Variants in CFAP61 observed in about 807,000 individuals in gnomAD.
CFAP61 encodes the protein cilia and flagella associated protein 61, also known as cilia- and flagella-associated protein 61.
Under a neutral mutation model 135.6 loss-of-function variants are expected in CFAP61, and 107 were observed. That is an observed-to-expected ratio of 0.79 (90% CI 0.67 to 0.93). The LOEUF (loss-of-function observed/expected upper bound fraction) is 0.93, where lower values mean the gene tolerates loss of function less well. CFAP61 is among the 40% of genes least tolerant of loss of function. The pLI is 0.00. For synonymous variants in CFAP61, 575 were observed against 578.5 expected, an observed-to-expected ratio of 0.99 and a Z score of 0.09; for missense variants, 1,507 against 1,556.2, an observed-to-expected ratio of 0.97 and a Z score of 0.53.
At chr20:20,182,013 A>G (rs907558772) in intron 13 of CFAP61, among the ~76,000 whole-genome samples, 1 of 152,220 alleles carries the variant, frequency 6.6e-6, no homozygotes, top group Non-Finnish European at 1.5e-5. Flanking sequence ...CCAATGAGCC[A>G]CCATCTTCTG....
chr20:20,160,598 G>C (rs928891598), intron 10 of CFAP61, among the ~76,000 whole-genome samples: 3 of 152,200 alleles, frequency 2.0e-5, no homozygotes, highest in Non-Finnish European at 4.4e-5. Context: ...CCCACTCCCA[G>C]CTAATTGCAT....
chr20:20,091,170 G>A (rs757297726), intron 7 of CFAP61, among the ~76,000 whole-genome samples, 194 bp downstream of exon 7: 8 of 152,086 alleles, frequency 5.3e-5, no homozygotes, highest in Non-Finnish European at 1.2e-4. Context: ...TGTCTTTTGC[G>A]AGGTCCTTCC....
At chr20:20,163,845 T>C (rs2053603579) in intron 10 of CFAP61, among the ~76,000 whole-genome samples, 1 of 151,252 alleles carries the variant, frequency 6.6e-6, no homozygotes, top group Non-Finnish European at 1.5e-5. Flanking sequence ...ATTGGAGAAC[T>C]AGTTTTTAAA....
rs150673228 is a variant in CFAP61, at chr20:20,169,386, C to A, written c.1311C>A (p.Phe437Leu). The A allele has an allele frequency of 3.1e-5, 50 of 1,613,922 alleles. No individual in the cohort carries two copies. Among genetic ancestry groups the A allele is most frequent in the Non-Finnish European group, 4.2e-5 (49 of 1,179,934 alleles). The change falls in exon 13 of 27, where the codon TTC (phenylalanine) becomes TTA (leucine). Residue 437 changes from phenylalanine to leucine, a missense_variant. Transcript: ENST00000245957. ...CCGAGTTCTTCCTCATCCAGAACTT[C>A]GTGAAAATGGTCCCTTTCAACACCT... ...LTPEFFLIQN[F>L]VKMVPFNTCT... is the part of the protein sequence containing the mutation.
chr20:20,085,870 C>T (rs181138026), intron 6 of CFAP61, among the ~76,000 whole-genome samples: 13 of 152,328 alleles, frequency 8.5e-5, no homozygotes, highest in Middle Eastern at 3.4e-3. Flanking sequence ...TAGCCAATAT[C>T]ATCAAGGACT....
At chr20:20,329,892 T>C (rs2057918104) in intron 25 of CFAP61, among the ~76,000 whole-genome samples, 2 of 152,256 alleles carry the variant, frequency 1.3e-5, no homozygotes, top group African/African-American at 4.8e-5. Context: ...TCCCGCCTGC[T>C]CTAGTGCAGC....
At chr20:20,072,154 G>A (rs947462065) in intron 3 of CFAP61, among the ~76,000 whole-genome samples, 8 of 121,490 alleles carry the variant, frequency 6.6e-5, no homozygotes, top group East Asian at 2.5e-4. Flanking sequence ...TCACTCTGTC[G>A]TCCAGGCTGG....
At chr20:20,056,118 C>CA in intron 1 of CFAP61, 4 of 790,688 alleles carry the variant, frequency 5.1e-6, no homozygotes, top group Non-Finnish European at 8.3e-6. Flanking sequence ...CCTGGTGGCC[C>CA]TTCAGGAAGC....
chr20:20,355,083 AG>A (rs1326153023), intron 26 of CFAP61, among the ~76,000 whole-genome samples: 2 of 123,484 alleles, frequency 1.6e-5, no homozygotes, highest in East Asian at 5.5e-4. Flanking sequence ...ACACTGTGAG[AG>A]GGAAGGTGGT....
chr20:20,199,646 T>C, intron 16 of CFAP61, 122 bp from the exon 17 acceptor site: 1 of 885,168 alleles, frequency 1.1e-6, no homozygotes, highest in Non-Finnish European at 1.6e-6. Flanking sequence ...ATTTGCTGAT[T>C]TTTTTTTTTC....
chr20:20,056,074 C>T (rs767779162), intron 1 of CFAP61: 1 of 1,245,904 alleles, frequency 8.0e-7, no homozygotes, highest in South Asian at 1.3e-5. Flanking sequence ...AAACAAGTTG[C>T]TTTATTATGG....
chr20:20,316,015 A>G (rs76820583), intron 25 of CFAP61, among the ~76,000 whole-genome samples: 87 of 152,302 alleles, frequency 5.7e-4, no homozygotes, highest in African/African-American at 2.0e-3. Flanking sequence ...TGACTTGGCG[A>G]TGCGGGCTCT....
intron 25 of CFAP61, among the ~76,000 whole-genome samples, chr20:20,303,350 T>C (rs990859897): frequency 6.6e-6 from 1 of 152,106 alleles, no homozygotes; most frequent in African/African-American, 2.4e-5. Flanking sequence ...TAATTTGATT[T>C]GTGATGAGTG....
Position 20,246,188 on chromosome 20 carries a change from C to A in CFAP61, c.2132C>A (p.Thr711Asn), listed in dbSNP as rs756329381. 6.2e-7 allele frequency: 1 copy of A among 1,613,060 alleles called. No homozygotes were observed. The highest frequency in any genetic ancestry group is 8.5e-7 in the Non-Finnish European group (1 of 1,179,160). The change falls in exon 19 of 27, where the codon ACT (threonine) becomes AAT (asparagine). Residue 711 changes from threonine (T) to asparagine (N), a missense_variant. Transcript: ENST00000245957. ...HGLPGKKLLD[T>N]EQRKFLASDH... ...CTCCCAGGAAAAAAACTTCTGGACACTGAACAAAGGAAATTTTTAGCCAGC... is the reference window on the plus strand; with the variant it reads ...CTCCCAGGAAAAAAACTTCTGGACAATGAACAAAGGAAATTTTTAGCCAGC...
chr20:20,316,758 T>G (rs2057158984), intron 25 of CFAP61: 1 of 151,118 alleles, frequency 6.6e-6, no homozygotes, highest in African/African-American at 2.4e-5. Flanking sequence ...AAGGGTTGCC[T>G]GTAATCCCAG....
At chr20:20,215,925 C>T (rs2048015059) in intron 17 of CFAP61, among the ~76,000 whole-genome samples, 1 of 152,104 alleles carries the variant, frequency 6.6e-6, no homozygotes, top group African/African-American at 2.4e-5. Flanking sequence ...ATTTAACCCT[C>T]AAAAGTGGCA....
At chr20:20,070,308 A>G (rs943835770) in intron 2 of CFAP61, among the ~76,000 whole-genome samples, 1 of 152,264 alleles carries the variant, frequency 6.6e-6, no homozygotes, top group Non-Finnish European at 1.5e-5. Context: ...GTCCAGGGAC[A>G]TGAACTCACA....
At chr20:20,348,468 A>T (rs1238891120) in intron 26 of CFAP61, among the ~76,000 whole-genome samples, 1 of 152,104 alleles carries the variant, frequency 6.6e-6, no homozygotes, top group East Asian at 1.9e-4. Context: ...CAGGCAGATC[A>T]TTTGAGATCA....
chr20:20,192,753 C>A (rs775797934), intron 15 of CFAP61, among the ~76,000 whole-genome samples: 3 of 152,062 alleles, frequency 2.0e-5, no homozygotes, highest in Non-Finnish European at 4.4e-5. Flanking sequence ...CTTATTTCTA[C>A]GTGTTTTGTG....
Sources: allele counts gnomAD v4.1 joint callset (sites outside exome capture counted in the v4.1 genomes callset), GRCh38; gene constraint gnomAD v4.1.1; transcripts MANE v1.5; gene names NCBI Gene and HGNC (gene_info 2026-07-23, HGNC 2026-07-21).